The following PACS1 variants were observed in gnomAD, a reference collection of about 807,000 sequenced individuals.
PACS1 encodes the protein PACS-1.
In PACS1, 24 loss-of-function variants were observed where a neutral mutation model predicts 115.0. That is an observed-to-expected ratio of 0.21 (90% CI 0.15 to 0.29). The LOEUF (loss-of-function observed/expected upper bound fraction) is 0.29, where lower values mean the gene tolerates loss of function less well. PACS1 is among the 10% of genes least tolerant of loss of function. The pLI is 1.00. For synonymous variants in PACS1, 453 were observed against 504.5 expected, an observed-to-expected ratio of 0.90 and a Z score of 1.37; for missense variants, 838 against 1,251.2, an observed-to-expected ratio of 0.67 and a Z score of 4.98.
At chr11:66,078,896 T>A (rs1030302816) in intron 1 of PACS1, among the ~76,000 whole-genome samples, 1 of 152,162 alleles carries the variant, frequency 6.6e-6, no homozygotes, top group Non-Finnish European at 1.5e-5. Context: ...CGTTTTTTCT[T>A]TTCAGCTGTT....
intron 1 of PACS1, among the ~76,000 whole-genome samples, chr11:66,123,155 A>T (rs1295542594): frequency 6.7e-6 from 1 of 149,824 alleles, no homozygotes; most frequent in Non-Finnish European, 1.5e-5. Flanking sequence ...CAGGAGAAAG[A>T]TTGCAACTTG....
At chr11:66,082,614 C>G (rs1046169497) in intron 1 of PACS1, among the ~76,000 whole-genome samples, 1 of 152,144 alleles carries the variant, frequency 6.6e-6, no homozygotes, top group African/African-American at 2.4e-5. Context: ...GTAATCCCAG[C>G]ACTTTGGGAG....
chr11:66,150,969 C>A, intron 1 of PACS1, among the ~76,000 whole-genome samples: 1 of 151,968 alleles, frequency 6.6e-6, no homozygotes, highest in Non-Finnish European at 1.5e-5. Context: ...TGCAGCCTTA[C>A]AGATGAGAGG....
rs148496765 is a variant in PACS1 at position 66,095,582 on chromosome 11, T to C, written c.356+24740T>C. Among the ~76,000 whole-genome samples, 51 of 152,274 alleles carry C rather than the reference T, an allele frequency of 3.3e-4. 1 individual carries two copies. Among genetic ancestry groups the C allele is most frequent in the African/African-American group, 1.2e-3 (49 of 41,564 alleles). ...AAGTGATTCTCCTGCCTCAGCCTCC[T>C]GAACAGCAGGGGTTACAGGCACATG... On this transcript the variant is annotated intron_variant, in intron 1 of 23. Coordinates refer to ENST00000320580, the MANE Select transcript of PACS1 (RefSeq NM_018026.4).
Position 66,070,477 on chromosome 11 carries a change from T to C in PACS1, c.-10T>C. Reference sequence around the variant, plus strand: ...CGCCTCGGCCTCCGTAACCCCCGCCTAGCCGGGCCATGGCGGAACGCGGAG... The same window carrying C: ...CGCCTCGGCCTCCGTAACCCCCGCCCAGCCGGGCCATGGCGGAACGCGGAG... On this transcript the variant is annotated 5_prime_UTR_variant, in exon 1 of 24. Coordinates refer to ENST00000320580, the MANE Select transcript of PACS1 (RefSeq NM_018026.4). This position sits in a 1 kb window ranked among gnomAD's most constrained non-coding sequence, Gnocchi z 5.9. 7.9e-7 allele frequency: 1 copy of C among 1,262,328 alleles called. No homozygotes were observed. The highest frequency in any genetic ancestry group is 2.9e-5 in the South Asian group (1 of 34,568). 78.2% of individuals were successfully genotyped at this position (1,262,328 alleles called of 1,614,324 possible). A position where few individuals can be genotyped will look rare whatever the true frequency, so the allele number is the denominator to read the frequency against.
At chr11:66,199,250 G>A (rs996247475) in intron 2 of PACS1, among the ~76,000 whole-genome samples, 3 of 151,276 alleles carry the variant, frequency 2.0e-5, no homozygotes, top group African/African-American at 7.3e-5. Context: ...AGGAGTCGGA[G>A]CTTGCAGTGA....
intron 1 of PACS1, among the ~76,000 whole-genome samples, chr11:66,108,247 G>T (rs1858097997): frequency 6.6e-6 from 1 of 152,164 alleles, no homozygotes; most frequent in Admixed American, 6.5e-5. Context: ...GCACATTCTA[G>T]GTGTGTCTTC....
intron 1 of PACS1, among the ~76,000 whole-genome samples, chr11:66,096,832 C>T (rs142094197): frequency 4.0e-5 from 6 of 151,342 alleles, no homozygotes; most frequent in East Asian, 1.9e-4. Flanking sequence ...GGTGTTTTTA[C>T]AGACATACAT....
chr11:66,201,432 A>G (rs897701204), intron 2 of PACS1, among the ~76,000 whole-genome samples: 4 of 152,148 alleles, frequency 2.6e-5, no homozygotes, highest in Non-Finnish European at 4.4e-5. Flanking sequence ...ATCAAAACCT[A>G]TGGGATACAG....
intron 11 of PACS1, among the ~76,000 whole-genome samples, 167 bp downstream of exon 11, chr11:66,227,751 A>G (rs753500501): frequency 1.1e-4 from 16 of 152,182 alleles, no homozygotes; most frequent in Non-Finnish European, 2.2e-4. Flanking sequence ...GTGGAATGCA[A>G]CCTACTACCT....
At chr11:66,180,846 A>C (rs971334493) in intron 1 of PACS1, among the ~76,000 whole-genome samples, 1 of 152,034 alleles carries the variant, frequency 6.6e-6, no homozygotes, top group Non-Finnish European at 1.5e-5. Flanking sequence ...TTTTGTAGAA[A>C]TGTGGTTTCA....
In PACS1 at chr11:66,187,272, G is replaced by A. The variant is rs79995877; in HGVS notation, c.357-6214G>A. Among the ~76,000 whole-genome samples, 1,329 of 152,148 alleles carry A rather than the reference G, an allele frequency of 8.7e-3. 86 individuals carry two copies. In the East Asian group the frequency reaches 0.17, roughly 20 times the overall value. ...ATGCAATGTATGATGAACAGAACAG[G>A]GGGATTAGCATACCCATCATCTCAA... On this transcript the variant is annotated intron_variant, in intron 1 of 23. Transcript: ENST00000320580.
chr11:66,212,384 G>A (rs1232645017), intron 4 of PACS1, among the ~76,000 whole-genome samples: 3 of 150,974 alleles, frequency 2.0e-5, no homozygotes, highest in South Asian at 2.1e-4. Context: ...CGCCCGCCTT[G>A]GCCTCCCAAA....
chr11:66,220,446 C>T, intron 8 of PACS1, 185 bp from the exon 9 acceptor site: 1 of 600,002 alleles, frequency 1.7e-6, no homozygotes, highest in Non-Finnish European at 2.9e-6. Context: ...GGGAAGGTGG[C>T]CTCACCATGT....
At chr11:66,087,114 C>G (rs902948273) in intron 1 of PACS1, among the ~76,000 whole-genome samples, 10 of 152,144 alleles carry the variant, frequency 6.6e-5, no homozygotes, top group Admixed American at 3.9e-4. Context: ...TACCATGCCC[C>G]CTTCTAATAC....
In PACS1 at chr11:66,241,355, C is replaced by T. The variant is rs868004570; in HGVS notation, c.2430-72C>T. ...GCCCTCCCGGGGACTGGCATGGCCC[C>T]TACCCCATCAGGCCTATGTAGTTGG... On this transcript the variant is annotated intron_variant, in intron 21 of 23. Coordinates refer to ENST00000320580, the MANE Select transcript of PACS1 (RefSeq NM_018026.4). 2.5e-6 allele frequency: 3 copies of T among 1,215,144 alleles called. No homozygotes were observed. The Middle Eastern group carries it at 5.7e-4, about 232-fold the overall frequency. 75.3% of individuals were successfully genotyped at this position (1,215,144 alleles called of 1,614,324 possible).
chr11:66,087,544 G>A (rs1590734808), intron 1 of PACS1, among the ~76,000 whole-genome samples: 1 of 152,322 alleles, frequency 6.6e-6, no homozygotes, highest in South Asian at 2.1e-4. Flanking sequence ...AAGAACACTT[G>A]TATCTAACTT....
rs1855063562 is a variant in PACS1 at position 66,211,217 on chromosome 11, G to A, written c.618G>A (p.Leu206=). 10 of 1,613,712 alleles carry A rather than the reference G, an allele frequency of 6.2e-6. No homozygotes were observed. The highest frequency in any genetic ancestry group is 8.5e-6 in the Non-Finnish European group (10 of 1,179,700). The change falls in exon 4 of 24, where the codon TTG becomes TTA. Residue 206 remains leucine, a synonymous_variant. Coordinates refer to ENST00000320580, the MANE Select transcript of PACS1 (RefSeq NM_018026.4). The stretch of plus-strand genomic sequence containing the variant: ...AACGTTACAAGAATCGGACCATCTT[G>A]GGCTATAAGACCTTGGCCGTGGGAC... The part of the protein sequence containing the change: ...RRKRYKNRTI[L]GYKTLAVGLI...
At chr11:66,080,347 A>G (rs1204198398) in intron 1 of PACS1, among the ~76,000 whole-genome samples, 2 of 152,046 alleles carry the variant, frequency 1.3e-5, no homozygotes, top group Non-Finnish European at 2.9e-5. Flanking sequence ...AGGAACAATT[A>G]TATTGTTATA....
Sources: allele counts gnomAD v4.1 joint callset (sites outside exome capture counted in the v4.1 genomes callset), GRCh38; gene constraint gnomAD v4.1.1; non-coding constraint Gnocchi (gnomAD v3.1); transcripts MANE v1.5; gene names NCBI Gene and HGNC (gene_info 2026-07-23, HGNC 2026-07-21).